Variants in SVOP observed in about 807,000 individuals in gnomAD.
The protein encoded by SVOP is synaptic vesicle 2-related protein.
In SVOP, 17 loss-of-function variants were observed where a neutral mutation model predicts 69.1. That is an observed-to-expected ratio of 0.25 (90% CI 0.17 to 0.37). The LOEUF (loss-of-function observed/expected upper bound fraction) is 0.37. SVOP is among the 10% of genes least tolerant of loss of function. The probability of loss-of-function intolerance (pLI) is 1.00; values close to 1 mark genes in which losing one functional copy is unlikely to be tolerated. For missense variants in SVOP, 435 were observed against 597.5 expected (o/e 0.73, Z 2.84); for synonymous variants, 238 against 238.6 (o/e 1.00, Z 0.02).
chr12:108,931,015 G>A (rs1157583823), intron 11 of SVOP, among the ~76,000 whole-genome samples: 2 of 152,066 alleles, frequency 1.3e-5, no homozygotes, highest in African/African-American at 4.8e-5. Flanking sequence ...CCTGTTTTAC[G>A]ACATTCCCCT....
At chr12:108,927,119 T>C (rs978514750) in intron 11 of SVOP, among the ~76,000 whole-genome samples, 3 of 152,176 alleles carry the variant, frequency 2.0e-5, no homozygotes, top group Non-Finnish European at 4.4e-5. Flanking sequence ...TTGTTGGTAT[T>C]GCCTGCCCCT....
chr12:108,979,082 T>A (rs1318507162), intron 2 of SVOP, among the ~76,000 whole-genome samples: 1 of 103,992 alleles, frequency 9.6e-6, no homozygotes, highest in Non-Finnish European at 2.1e-5. Context: ...AATGTACGCA[T>A]GTGGGTGTAC....
At chr12:108,945,298 G>A in intron 6 of SVOP, 132 bp from the exon 7 acceptor site, 3 of 808,604 alleles carry the variant, frequency 3.7e-6, no homozygotes, top group Non-Finnish European at 6.0e-6. Context: ...AATTTCCTGA[G>A]ATGATGTTGG....
intron 1 of SVOP, among the ~76,000 whole-genome samples, chr12:108,986,755 C>A (rs2040167884): frequency 6.7e-6 from 1 of 149,564 alleles, no homozygotes; most frequent in African/African-American, 2.5e-5. Context: ...CACTCTGTCG[C>A]CAGTGCTCTT....
At chr12:108,954,099 G>A (rs896141806) in intron 6 of SVOP, among the ~76,000 whole-genome samples, 1 of 119,206 alleles carries the variant, frequency 8.4e-6, no homozygotes, top group African/African-American at 3.5e-5. Flanking sequence ...GGGTGACAGA[G>A]TAAGAATCTG....
chr12:108,937,417 C>A, intron 9 of SVOP, 80 bp from the exon 10 acceptor site: 1 of 1,352,080 alleles, frequency 7.4e-7, no homozygotes, highest in African/African-American at 1.4e-5. Context: ...GAGACTAGTG[C>A]ACACCAGGCT....
At chr12:108,962,895 G>C (rs1298798064) in intron 5 of SVOP, among the ~76,000 whole-genome samples, 3 of 152,058 alleles carry the variant, frequency 2.0e-5, no homozygotes, top group African/African-American at 4.8e-5. Flanking sequence ...AACCTGGGAG[G>C]TGGAGGTTGC....
intron 3 of SVOP, 153 bp downstream of exon 3, chr12:108,978,425 C>T (rs1342749802): frequency 5.2e-6 from 3 of 578,336 alleles, no homozygotes; most frequent in Non-Finnish European, 9.2e-6. Context: ...CTCGTTATCA[C>T]CACTTATTAC....
chr12:108,934,035 G>A (rs899174444), intron 11 of SVOP, among the ~76,000 whole-genome samples, 160 bp downstream of exon 11: 96 of 152,288 alleles, frequency 6.3e-4, no homozygotes, highest in African/African-American at 1.9e-3. Context: ...GCTCCATCGC[G>A]ACAAGACTGT....
intron 1 of SVOP, among the ~76,000 whole-genome samples, chr12:109,014,016 T>C (rs1365040816): frequency 2.7e-4 from 24 of 87,608 alleles, no homozygotes; most frequent in Admixed American, 1.0e-3. Flanking sequence ...CAAATTTCCT[T>C]CCTTTTTTTT....
chr12:109,015,422 GAGAGGATGGATACTTGAACC>G (rs1438832491), intron 1 of SVOP, among the ~76,000 whole-genome samples: 1 of 152,214 alleles, frequency 6.6e-6, no homozygotes, highest in African/African-American at 2.4e-5. Flanking sequence ...ATCCCAGTGA[GAGAGGATGGATACTTGAACC>G]AGAGGATTGC....
chr12:108,960,372 T>C (rs1176946697), intron 6 of SVOP, among the ~76,000 whole-genome samples: 1 of 152,202 alleles, frequency 6.6e-6, no homozygotes, highest in African/African-American at 2.4e-5. Flanking sequence ...GACAGTGGCT[T>C]CTTCCTACAG....
intron 13 of SVOP, 42 bp from the exon 14 acceptor site, chr12:108,918,166 C>T (rs752348198): frequency 3.3e-6 from 5 of 1,501,782 alleles, no homozygotes; most frequent in Non-Finnish European, 3.6e-6. Flanking sequence ...TTTTTTCTGT[C>T]TGCTTGTTTC....
intron 2 of SVOP, among the ~76,000 whole-genome samples, chr12:108,982,106 T>C (rs1207018967): frequency 1.3e-5 from 2 of 151,338 alleles, no homozygotes; most frequent in Non-Finnish European, 2.9e-5. Flanking sequence ...ATCATCACCA[T>C]CGTAACCACC....
intron 4 of SVOP, among the ~76,000 whole-genome samples, chr12:108,975,294 T>C (rs1267449862): frequency 6.6e-6 from 1 of 152,252 alleles, no homozygotes; most frequent in Non-Finnish European, 1.5e-5. Flanking sequence ...AATATCCTCC[T>C]TGGGTACTTT....
intron 6 of SVOP, among the ~76,000 whole-genome samples, chr12:108,955,411 C>T (rs2039979781): frequency 2.6e-5 from 4 of 152,194 alleles, no homozygotes; most frequent in Admixed American, 2.6e-4. Flanking sequence ...TCCCTGCCAG[C>T]CCAGATTTAT....
Position 108,912,053 on chromosome 12 carries a change from ACACCTAGAT to A in SVOP, c.*473_*481del. ...CTGCCAGGAAATAGCTGCTCAGACC[ACACCTAGAT>A]CGCCTGCAATTTCAAAGAAGAAAGC... On this transcript the variant is annotated 3_prime_UTR_variant, in exon 16 of 16. Transcript: ENST00000610966. 1 of 558,902 alleles carries A rather than the reference ACACCTAGAT, an allele frequency of 1.8e-6. No individual in the cohort carries two copies. The highest frequency in any genetic ancestry group is 2.3e-6 in the Non-Finnish European group (1 of 438,058). The allele number at this position is 558,902 out of a possible 1,614,324, so 34.6% of individuals were successfully genotyped here.
chr12:108,943,788 T>C (rs571470757), intron 7 of SVOP, among the ~76,000 whole-genome samples: 2 of 151,038 alleles, frequency 1.3e-5, no homozygotes, highest in Non-Finnish European at 2.9e-5. Context: ...TTCTTCTCCT[T>C]CTTCTTCTTC....
At position 108,930,082 on chromosome 12, in the gene SVOP, G is replaced by GT. The variant is rs200311403; in HGVS notation, c.1048+4112dup. 6.2e-3 allele frequency among the ~76,000 whole-genome samples: 950 copies of GT among 152,186 alleles called. 13 individuals carry two copies. The highest frequency in any genetic ancestry group is 0.022 in the African/African-American group (903 of 41,510). ...TTTGCCTGACCTATGTGCTAAAAATGTTTTTTTCGAATGATTTTTAGAAAT... is the reference window on the plus strand; with the variant it reads ...TTTGCCTGACCTATGTGCTAAAAATGTTTTTTTTCGAATGATTTTTAGAAAT... On this transcript the variant is annotated intron_variant, in intron 11 of 15. Coordinates refer to ENST00000610966, the MANE Select transcript of SVOP (RefSeq NM_018711.5).
Sources: allele counts gnomAD v4.1 joint callset (sites outside exome capture counted in the v4.1 genomes callset), GRCh38; gene constraint gnomAD v4.1.1; transcripts MANE v1.5; gene names NCBI Gene and HGNC (gene_info 2026-07-23, HGNC 2026-07-21).